The following SLC30A8 variants were observed in gnomAD, a reference collection of about 807,000 sequenced individuals.
SLC30A8 encodes the protein proton-coupled zinc antiporter SLC30A8.
A neutral mutation model predicts 36.9 loss-of-function variants in SLC30A8; 27 were observed. That is an observed-to-expected ratio of 0.73 (90% CI 0.54 to 1.01). The LOEUF (loss-of-function observed/expected upper bound fraction) is 1.01, where lower values mean the gene tolerates loss of function less well. Ranked by LOEUF, SLC30A8 falls within the 50% of genes least tolerant of loss-of-function variation. The pLI, the probability that SLC30A8 is intolerant of heterozygous loss-of-function variation, is 0.00. For synonymous variants in SLC30A8, 164 were observed against 172.4 expected (o/e 0.95, Z 0.38); for missense variants, 439 against 452.0 (o/e 0.97, Z 0.26).
At chr8:117,053,751 G>A (rs909528892) in intron 2 of SLC30A8, among the ~76,000 whole-genome samples, 1 of 152,138 alleles carries the variant, frequency 6.6e-6, no homozygotes, top group African/African-American at 2.4e-5. Flanking sequence ...ATACAGCAGG[G>A]ACTTAATGAT....
intron 1 of SLC30A8, among the ~76,000 whole-genome samples, chr8:117,138,927 A>C (rs1372257714): frequency 6.6e-6 from 1 of 152,062 alleles, no homozygotes; most frequent in Non-Finnish European, 1.5e-5. Flanking sequence ...CTGATGATAC[A>C]TAAGCTGGAA....
intron 1 of SLC30A8, among the ~76,000 whole-genome samples, chr8:117,000,655 C>A (rs73312273): frequency 0.039 from 5,965 of 152,078 alleles, 416 homozygotes; most frequent in African/African-American, 0.14. Flanking sequence ...AAAAGCAATA[C>A]AAGAAAGCAA....
chr8:116,973,552 T>A (rs146461837), intron 1 of SLC30A8, among the ~76,000 whole-genome samples: 1 of 152,128 alleles, frequency 6.6e-6, no homozygotes, highest in Non-Finnish European at 1.5e-5. Flanking sequence ...CACAAACAAA[T>A]GGAAGAACAT....
At chr8:117,123,949 A>G (rs535932092) in intron 2 of SLC30A8, among the ~76,000 whole-genome samples, 4 of 152,078 alleles carry the variant, frequency 2.6e-5, no homozygotes, top group African/African-American at 9.6e-5. Context: ...GAATCCTCTC[A>G]TCTCTCACCC....
intron 2 of SLC30A8, chr8:117,129,931 AG>A (rs982562283): frequency 3.9e-5 from 6 of 152,114 alleles, no homozygotes; most frequent in African/African-American, 1.4e-4. Context: ...AGGAAATGGA[AG>A]CTCCTGTCAT....
intron 1 of SLC30A8, among the ~76,000 whole-genome samples, chr8:116,969,438 C>G (rs925969807): frequency 6.6e-6 from 1 of 152,170 alleles, no homozygotes; most frequent in Admixed American, 6.5e-5. Context: ...ATCTGGAAAA[C>G]TGGGATAATA....
At chr8:117,077,813 C>G (rs1472164007) in intron 2 of SLC30A8, among the ~76,000 whole-genome samples, 1 of 152,184 alleles carries the variant, frequency 6.6e-6, no homozygotes, top group African/African-American at 2.4e-5. Context: ...GGCAATCTTT[C>G]TAGAGCGAGT....
chr8:117,067,624 T>C (rs1818209075), intron 2 of SLC30A8, among the ~76,000 whole-genome samples: 1 of 152,216 alleles, frequency 6.6e-6, no homozygotes, highest in South Asian at 2.1e-4. Context: ...ATTTAACATC[T>C]TGCAAATGCA....
chr8:117,056,954 A>G (rs1817889647), intron 2 of SLC30A8, among the ~76,000 whole-genome samples: 1 of 152,200 alleles, frequency 6.6e-6, no homozygotes, highest in Non-Finnish European at 1.5e-5. Context: ...TTCAGACACA[A>G]GTCATATTAA....
intron 1 of SLC30A8, among the ~76,000 whole-genome samples, chr8:116,997,685 G>T (rs1341215745): frequency 6.6e-6 from 1 of 152,142 alleles, no homozygotes; most frequent in Non-Finnish European, 1.5e-5. Flanking sequence ...TGAAAATGAA[G>T]AATATTTATT....
At chr8:117,063,858 A>C (rs1301608129) in intron 2 of SLC30A8, among the ~76,000 whole-genome samples, 1 of 152,094 alleles carries the variant, frequency 6.6e-6, no homozygotes, top group Admixed American at 6.6e-5. Context: ...AATACCAGAG[A>C]GGTATTAGAT....
intron 1 of SLC30A8, among the ~76,000 whole-genome samples, chr8:117,139,977 T>G (rs374051172): frequency 6.6e-6 from 1 of 151,672 alleles, no homozygotes; most frequent in Non-Finnish European, 1.5e-5. Flanking sequence ...AACAAAGAAT[T>G]AAAGATAGAT....
chr8:117,039,133 C>A (rs989550891), intron 1 of SLC30A8: 1 of 152,144 alleles, frequency 6.6e-6, no homozygotes, highest in African/African-American at 2.4e-5. Flanking sequence ...TGCAACCAGA[C>A]CCCTGCTGGA....
intron 1 of SLC30A8, among the ~76,000 whole-genome samples, chr8:117,139,330 A>T (rs562067803): frequency 1.4e-4 from 22 of 152,112 alleles, no homozygotes; most frequent in Non-Finnish European, 2.9e-4. Flanking sequence ...TCTTATAAGA[A>T]GAGACTCCAG....
chr8:117,101,989 A>G (rs1387152327), intron 2 of SLC30A8, among the ~76,000 whole-genome samples: 1 of 152,138 alleles, frequency 6.6e-6, no homozygotes, highest in African/African-American at 2.4e-5. Flanking sequence ...ACTAATACAT[A>G]TGGTATCTGA....
chr8:116,982,259 G>A (rs1563733571), intron 1 of SLC30A8, among the ~76,000 whole-genome samples: 2 of 145,692 alleles, frequency 1.4e-5, no homozygotes, highest in South Asian at 4.3e-4. Flanking sequence ...GTTGTTTCCA[G>A]TTTTTTTTTT....
intron 1 of SLC30A8, among the ~76,000 whole-genome samples, chr8:116,956,987 A>G (rs1814229744): frequency 6.6e-6 from 1 of 152,218 alleles, no homozygotes; most frequent in African/African-American, 2.4e-5. Context: ...TTTGACTCAA[A>G]TAGTTTCAAT....
chr8:117,018,492 A>AG (rs1243778207), intron 1 of SLC30A8, among the ~76,000 whole-genome samples: 2 of 152,102 alleles, frequency 1.3e-5, no homozygotes, highest in Non-Finnish European at 2.9e-5. Flanking sequence ...CAGCAGCCAC[A>AG]GGGGGTTGGC....
At chr8:116,995,258 G>C (rs1341506053) in intron 1 of SLC30A8, among the ~76,000 whole-genome samples, 4 of 152,154 alleles carry the variant, frequency 2.6e-5, no homozygotes, top group African/African-American at 9.6e-5. Flanking sequence ...AAAGATGCTT[G>C]GGTATGGAGA....
Sources: gnomAD v4.1 joint callset for allele counts (sites outside exome capture counted in the v4.1 genomes callset) on GRCh38, gnomAD v4.1.1 for gene constraint, MANE v1.5 for transcripts, NCBI Gene and HGNC (gene_info 2026-07-23, HGNC 2026-07-21) for gene names.